Variants in SMARCAD1 observed in about 807,000 individuals in gnomAD.
The protein encoded by SMARCAD1 is SNF2 related chromatin remodeling ATPase with DExD box 1.
SMARCAD1 carries 25 observed loss-of-function variants against 127.1 expected under a neutral mutation model. The ratio of observed to expected loss-of-function variants is 0.20; its 90% CI spans 0.14 to 0.27. The LOEUF is 0.27. Ranked by LOEUF, SMARCAD1 falls within the 10% of genes least tolerant of loss-of-function variation. The pLI, the probability that SMARCAD1 is intolerant of heterozygous loss-of-function variation, is 1.00. For missense variants in SMARCAD1, 807 were observed against 1,206.0 expected, an observed-to-expected ratio of 0.67 and a Z score of 4.90; for synonymous variants, 400 against 396.9, an observed-to-expected ratio of 1.01 and a Z score of -0.09.
chr4:94,243,295 G>A (rs1199182520), intron 6 of SMARCAD1, among the ~76,000 whole-genome samples: 1 of 152,224 alleles, frequency 6.6e-6, no homozygotes, highest in Non-Finnish European at 1.5e-5. Flanking sequence ...AGAAGGGGCA[G>A]CAGTGATGCA....
At chr4:94,264,986 G>GAA in intron 10 of SMARCAD1, 80 bp downstream of exon 10, 1 of 1,394,372 alleles carries the variant, frequency 7.2e-7, no homozygotes, top group Non-Finnish European at 9.9e-7. Context: ...ATCGTGCCTA[G>GAA]AAAGTGATAT....
At chr4:94,246,196 C>A (rs1001162283) in intron 6 of SMARCAD1, among the ~76,000 whole-genome samples, 3 of 151,618 alleles carry the variant, frequency 2.0e-5, no homozygotes, top group African/African-American at 7.3e-5. Context: ...CCTGGCTCAC[C>A]GCAACCTCCG....
chr4:94,282,976 A>G lies in SMARCAD1; in HGVS notation c.2727-145A>G, dbSNP rs192093151. The G allele has an allele frequency of 1.2e-4, 79 of 673,362 alleles. No homozygotes were observed. In the African/African-American group the frequency reaches 1.4e-3, roughly 12 times the overall value. The allele number at this position is 673,362 out of a possible 1,614,324, so 41.7% of individuals were successfully genotyped here. On this transcript the variant is annotated intron_variant, in intron 21 of 23. Coordinates refer to ENST00000354268, the MANE Select transcript of SMARCAD1 (RefSeq NM_020159.5). Reference sequence around the variant, plus strand: ...GGGGAATTGAGGAGGCTCTTCAGTGATATAGCCAGAGGAGAAATAACTGCA... The same window carrying G: ...GGGGAATTGAGGAGGCTCTTCAGTGGTATAGCCAGAGGAGAAATAACTGCA...
chr4:94,220,268 G>A (rs1743903418), intron 2 of SMARCAD1, among the ~76,000 whole-genome samples: 1 of 151,944 alleles, frequency 6.6e-6, no homozygotes, highest in Non-Finnish European at 1.5e-5. Context: ...ATTTTTTTGA[G>A]ATGGAATTTT....
At chr4:94,274,072 TC>T (rs1161537885) in intron 12 of SMARCAD1, among the ~76,000 whole-genome samples, 3 of 152,214 alleles carry the variant, frequency 2.0e-5, no homozygotes, top group African/African-American at 7.2e-5. Context: ...ACATAACTGT[TC>T]CATTCTTTCT....
intron 9 of SMARCAD1, among the ~76,000 whole-genome samples, chr4:94,263,754 G>A (rs763338528): frequency 6.6e-6 from 1 of 151,848 alleles, no homozygotes; most frequent in African/African-American, 2.4e-5. Flanking sequence ...AATAAAAATC[G>A]TGTGGTATTT....
intron 6 of SMARCAD1, among the ~76,000 whole-genome samples, chr4:94,246,662 A>G (rs975524364): frequency 1.3e-5 from 2 of 152,168 alleles, no homozygotes; most frequent in African/African-American, 2.4e-5. Context: ...GCATGTACGT[A>G]TCTGACCAGT....
At chr4:94,230,997 A>G (rs1051577766) in intron 3 of SMARCAD1, among the ~76,000 whole-genome samples, 13 of 152,208 alleles carry the variant, frequency 8.5e-5, no homozygotes, top group African/African-American at 3.1e-4. Context: ...TAAGCAGTGA[A>G]AAGTTTTTAT....
chr4:94,254,851 T>A (rs182548754), intron 9 of SMARCAD1, among the ~76,000 whole-genome samples: 1 of 152,224 alleles, frequency 6.6e-6, no homozygotes, highest in East Asian at 1.9e-4. Context: ...CTTAGAACTT[T>A]GAGCTCCTAC....
rs775519810 is a variant in SMARCAD1 at position 94,289,873 on chromosome 4, A to AAT, written c.*350_*351dup. 6.7e-5 allele frequency: 31 copies of AAT among 463,004 alleles called. No homozygotes were observed. The highest frequency in any genetic ancestry group is 9.4e-5 in the Non-Finnish European group (22 of 233,932). 28.7% of individuals were successfully genotyped at this position (463,004 alleles called of 1,614,324 possible). On this transcript the variant is annotated 3_prime_UTR_variant, in exon 24 of 24. Transcript: ENST00000354268. Reference sequence around the variant, plus strand: ...ATTTTTGTAATTATTTCTACCTCCAAATATATATATATTGTCTTTCACTGG... The same window carrying AAT: ...ATTTTTGTAATTATTTCTACCTCCAAATATATATATATATTGTCTTTCACTGG...
intron 9 of SMARCAD1, 191 bp from the exon 10 acceptor site, chr4:94,264,516 G>A (rs1751457283): frequency 9.5e-6 from 5 of 525,976 alleles, no homozygotes; most frequent in Non-Finnish European, 1.7e-5. Context: ...ATGTGTGACA[G>A]TAGAATATAA....
chr4:94,280,494 A>T, intron 19 of SMARCAD1, 98 bp from the exon 20 acceptor site: 1 of 1,051,460 alleles, frequency 9.5e-7, no homozygotes, highest in Non-Finnish European at 1.4e-6. Flanking sequence ...TCTATGATTT[A>T]GATATTTTAT....
At chr4:94,269,499 T>G (rs570533768) in intron 10 of SMARCAD1, among the ~76,000 whole-genome samples, 3 of 152,278 alleles carry the variant, frequency 2.0e-5, no homozygotes, top group Admixed American at 1.3e-4. Flanking sequence ...TTAAGTTTTT[T>G]TTTTTTTTTT....
intron 6 of SMARCAD1, among the ~76,000 whole-genome samples, chr4:94,243,436 T>C (rs1441305684): frequency 6.6e-6 from 1 of 152,200 alleles, no homozygotes; most frequent in African/African-American, 2.4e-5. Flanking sequence ...TGCTCCGTTT[T>C]AGGCTAGGTA....
At chr4:94,220,683 C>T (rs1743977915) in intron 2 of SMARCAD1, among the ~76,000 whole-genome samples, 2 of 152,214 alleles carry the variant, frequency 1.3e-5, no homozygotes, top group Admixed American at 6.5e-5. Flanking sequence ...TTGATATTTG[C>T]ACTCATGGTG....
chr4:94,271,299 A>G (rs1560557973), intron 11 of SMARCAD1, among the ~76,000 whole-genome samples: 2 of 152,092 alleles, frequency 1.3e-5, no homozygotes, highest in Non-Finnish European at 2.9e-5. Flanking sequence ...CAGCTATTTT[A>G]TTTTTATTAG....
chr4:94,255,303 TATTTC>T (rs1315532363), intron 9 of SMARCAD1, among the ~76,000 whole-genome samples: 2 of 152,064 alleles, frequency 1.3e-5, no homozygotes, highest in African/African-American at 4.8e-5. Flanking sequence ...AGTTCATAAA[TATTTC>T]ATTAAAAAAT....
At chr4:94,240,365 T>A (rs891678606) in intron 5 of SMARCAD1, among the ~76,000 whole-genome samples, 1 of 152,252 alleles carries the variant, frequency 6.6e-6, no homozygotes, top group African/African-American at 2.4e-5. Flanking sequence ...GTTTTTACAT[T>A]AAAAGCATTT....
At chr4:94,246,355 G>A (rs1389258172) in intron 6 of SMARCAD1, among the ~76,000 whole-genome samples, 17 of 152,062 alleles carry the variant, frequency 1.1e-4, no homozygotes, top group East Asian at 3.9e-4. Flanking sequence ...TCCTGACCTC[G>A]TGATCCACCC....
Sources: allele counts gnomAD v4.1 joint callset (sites outside exome capture counted in the v4.1 genomes callset), GRCh38; gene constraint gnomAD v4.1.1; transcripts MANE v1.5; gene names NCBI Gene and HGNC (gene_info 2026-07-23, HGNC 2026-07-21).